ARFGEF1: variants seen among roughly 807,000 people sequenced by gnomAD.
ARFGEF1 encodes brefeldin A-inhibited guanine nucleotide-exchange protein 1.
A neutral mutation model predicts 231.0 loss-of-function variants in ARFGEF1; 42 were observed. The ratio of observed to expected loss-of-function variants is 0.18; its 90% CI spans 0.14 to 0.24. The LOEUF (loss-of-function observed/expected upper bound fraction) is 0.24, where lower values mean the gene tolerates loss of function less well. ARFGEF1 is among the 10% of genes least tolerant of loss of function. The pLI is 1.00. For missense variants in ARFGEF1, 1,345 were observed against 2,192.0 expected, an observed-to-expected ratio of 0.61 and a Z score of 7.72; for synonymous variants, 710 against 732.3, an observed-to-expected ratio of 0.97 and a Z score of 0.49.
chr8:67,232,406 A>G (rs1218951035), intron 23 of ARFGEF1, among the ~76,000 whole-genome samples: 1 of 152,028 alleles, frequency 6.6e-6, no homozygotes, highest in Admixed American at 6.6e-5. Context: ...GGTGATGTGT[A>G]TAATATATAA....
intron 19 of ARFGEF1, among the ~76,000 whole-genome samples, chr8:67,248,277 G>C (rs1368597925): frequency 2.0e-5 from 3 of 150,176 alleles, no homozygotes; most frequent in Admixed American, 2.0e-4. Context: ...GCACAGTACT[G>C]GCATCAAAAG....
intron 1 of ARFGEF1, among the ~76,000 whole-genome samples, chr8:67,305,457 C>T (rs1004682594): frequency 7.4e-4 from 113 of 152,308 alleles, no homozygotes; most frequent in Admixed American, 2.6e-4. Context: ...AAGCGATTCT[C>T]CTGCCTCATC....
intron 19 of ARFGEF1, among the ~76,000 whole-genome samples, chr8:67,243,935 A>C (rs1298922008): frequency 6.6e-6 from 1 of 152,068 alleles, no homozygotes; most frequent in Non-Finnish European, 1.5e-5. Flanking sequence ...AAATCAAACA[A>C]AATTCCACAG....
intron 29 of ARFGEF1, 136 bp downstream of exon 29, chr8:67,224,767 A>G: frequency 2.1e-6 from 1 of 479,188 alleles, no homozygotes; most frequent in Non-Finnish European, 3.3e-6. Context: ...ATTTTAAAAT[A>G]TACCTAATAA....
chr8:67,299,163 G>A (rs1239594604), intron 4 of ARFGEF1, 46 bp downstream of exon 4: 1 of 1,439,174 alleles, frequency 6.9e-7, no homozygotes, highest in East Asian at 2.5e-5. Flanking sequence ...TCTGAATTTT[G>A]AAGATACAGA....
chr8:67,342,885 A>C (rs1587361777), intron 1 of ARFGEF1, among the ~76,000 whole-genome samples: 1 of 151,362 alleles, frequency 6.6e-6, no homozygotes, highest in Non-Finnish European at 1.5e-5. Context: ...AAATCCTCTC[A>C]CTCTCAAGTC....
intron 1 of ARFGEF1, among the ~76,000 whole-genome samples, chr8:67,310,498 G>A (rs542008745): frequency 6.6e-6 from 1 of 152,178 alleles, no homozygotes; most frequent in Admixed American, 6.5e-5. Context: ...GCCGAGATTG[G>A]AGCCTCTGCC....
At chr8:67,332,568 C>T (rs1808148217) in intron 1 of ARFGEF1, among the ~76,000 whole-genome samples, 2 of 152,154 alleles carry the variant, frequency 1.3e-5, no homozygotes, top group African/African-American at 4.8e-5. Flanking sequence ...CCATGATGAA[C>T]ACATGAATAT....
intron 29 of ARFGEF1, among the ~76,000 whole-genome samples, chr8:67,222,865 C>T (rs1328791639): frequency 6.6e-6 from 1 of 152,180 alleles, no homozygotes; most frequent in African/African-American, 2.4e-5. Flanking sequence ...AGATTACAGG[C>T]GTGAGCCACT....
At position 67,339,552 on chromosome 8, in the gene ARFGEF1, C is replaced by G. The variant is rs1472751969; in HGVS notation, c.124+3612G>C. On this transcript the variant is annotated intron_variant, in intron 1 of 38. Transcript: ENST00000262215. The stretch of plus-strand genomic sequence containing the variant: ...AATGCTACCTTCAAGCCCAATCCCA[C>G]AACAATCCTAAATTCTTTGAAACTA... Among the ~76,000 whole-genome samples the G allele has an allele frequency of 3.3e-5, 5 of 152,050 alleles. No individual in the cohort carries two copies. In the East Asian group the frequency reaches 7.7e-4, roughly 23 times the overall value.
intron 14 of ARFGEF1, among the ~76,000 whole-genome samples, chr8:67,264,605 G>A (rs1300824590): frequency 2.6e-5 from 4 of 152,100 alleles, no homozygotes; most frequent in African/African-American, 9.7e-5. Flanking sequence ...GACTGAGACG[G>A]CATAGTCAAA....
intron 4 of ARFGEF1, among the ~76,000 whole-genome samples, chr8:67,298,306 A>G (rs16933246): frequency 1.1e-3 from 163 of 152,372 alleles, no homozygotes; most frequent in African/African-American, 3.6e-3. Flanking sequence ...ACCATTAGCA[A>G]TAACATTAAG....
chr8:67,300,320 T>C (rs1563900023), intron 3 of ARFGEF1, among the ~76,000 whole-genome samples: 1 of 152,160 alleles, frequency 6.6e-6, no homozygotes, highest in Non-Finnish European at 1.5e-5. Context: ...AATTCCCAAA[T>C]AGTGAGAACA....
intron 14 of ARFGEF1, among the ~76,000 whole-genome samples, chr8:67,265,330 G>A (rs1804807412): frequency 6.6e-6 from 1 of 152,160 alleles, no homozygotes; most frequent in African/African-American, 2.4e-5. Context: ...TAAGCACACA[G>A]GGGAATTTTT....
downstream of ARFGEF1, chr8:67,195,437 C>A: frequency 6.2e-7 from 1 of 1,614,106 alleles, no homozygotes; most frequent in Admixed American, 1.7e-5. Context: ...TAGGGGATGA[C>A]GGATCAAACT....
In ARFGEF1 at chr8:67,244,510, G is replaced by A. The variant is rs1840045231; in HGVS notation, c.2851-4220C>T. Among the ~76,000 whole-genome samples the A allele has an allele frequency of 1.3e-5, 2 of 148,956 alleles. 1 individual carries two copies. The highest frequency in any genetic ancestry group is 3.0e-5 in the Non-Finnish European group (2 of 67,688). On this transcript the variant is annotated intron_variant, in intron 19 of 38. Transcript: ENST00000262215. ...AGATGGGGCTTCGCCATGTTGCCTA[G>A]ACTGGTCTCAAACTCCTGGGCTCAA...
intron 37 of ARFGEF1, among the ~76,000 whole-genome samples, chr8:67,201,167 T>C (rs191537988): frequency 5.3e-5 from 8 of 152,352 alleles, no homozygotes; most frequent in Admixed American, 2.6e-4. Context: ...TTTTCACTTA[T>C]ACAAATGATC....
At chr8:67,219,329 A>C in intron 30 of ARFGEF1, 102 bp downstream of exon 30, 1 of 1,375,600 alleles carries the variant, frequency 7.3e-7, no homozygotes, top group Non-Finnish European at 9.7e-7. Flanking sequence ...ATTTTCTAGG[A>C]ATTCTTTTCT....
chr8:67,227,280 C>A lies in ARFGEF1; in HGVS notation c.3773G>T (p.Arg1258Leu). The change falls in exon 27 of 39, where the codon CGG (arginine) becomes CTG (leucine). Residue 1258 changes from arginine to leucine, a missense_variant. Around this residue, in one of 14 missense-constraint regions of ARFGEF1, gnomAD observed 142 missense variants for 227.3 expected, o/e 0.62. Transcript: ENST00000262215. ...RSPTIRDMVVRCIAQMVNSQA... is the reference protein window; with the variant it reads ...RSPTIRDMVVLCIAQMVNSQA... The stretch of plus-strand genomic sequence containing the variant: ...AGAATTAACCATCTGTGCTATACAC[C>A]GTACAACCATATCTCGAATTGTTGG... 6.2e-7 allele frequency: 1 copy of A among 1,612,434 alleles called. No individual in the cohort carries two copies. Among genetic ancestry groups the A allele is most frequent in the Non-Finnish European group, 8.5e-7 (1 of 1,179,010 alleles).
Sources: gnomAD v4.1 joint callset for allele counts (sites outside exome capture counted in the v4.1 genomes callset) on GRCh38, gnomAD v4.1.1 for gene constraint, gnomAD v4.1.1 regional missense constraint, MANE v1.5 for transcripts, NCBI Gene and HGNC (gene_info 2026-07-23, HGNC 2026-07-21) for gene names.